ITGA11: variants seen among roughly 807,000 people sequenced by gnomAD.
ITGA11 encodes the protein integrin subunit alpha 11.
In ITGA11, 97 loss-of-function variants were observed where a neutral mutation model predicts 141.9. That is an observed-to-expected ratio of 0.68 (90% CI 0.58 to 0.81). ITGA11 has a LOEUF of 0.81. ITGA11 is among the 30% of genes least tolerant of loss of function. The probability of loss-of-function intolerance (pLI) is 0.00; values close to 1 mark genes in which losing one functional copy is unlikely to be tolerated. For synonymous variants in ITGA11, 658 were observed against 624.6 expected (o/e 1.05, Z -0.80); for missense variants, 1,387 against 1,559.2 (o/e 0.89, Z 1.86).
intron 1 of ITGA11, among the ~76,000 whole-genome samples, chr15:68,431,632 A>G (rs1897272717): frequency 6.6e-6 from 1 of 152,104 alleles, no homozygotes; most frequent in Non-Finnish European, 1.5e-5. Context: ...TCCCTTCCCC[A>G]GCCGGGGCCG....
At chr15:68,397,236 G>T (rs1595890421) in intron 2 of ITGA11, among the ~76,000 whole-genome samples, 2 of 28 alleles carry the variant, frequency 0.071, no homozygotes, top group Non-Finnish European at 0.12. Flanking sequence ...TATATATTAT[G>T]TATTATATTA....
In ITGA11 at chr15:68,432,144, C is replaced by T. The variant is rs1897285819; in HGVS notation, c.-78G>A. The T allele has an allele frequency of 1.8e-6, 2 of 1,139,034 alleles. No homozygotes were observed. Among genetic ancestry groups the T allele is most frequent in the Non-Finnish European group, 2.3e-6 (2 of 878,662 alleles). 70.6% of individuals were successfully genotyped at this position (1,139,034 alleles called of 1,614,324 possible). ...AGCCAGAGCGGCAGCCTCCTCGGCGCGGCGCCTGCAGCCTGCACTGCGCGG... is the reference window on the plus strand; with the variant it reads ...AGCCAGAGCGGCAGCCTCCTCGGCGTGGCGCCTGCAGCCTGCACTGCGCGG... On this transcript the variant is annotated 5_prime_UTR_variant, in exon 1 of 30. Transcript: ENST00000315757.
intron 4 of ITGA11, 142 bp from the exon 5 acceptor site, chr15:68,361,846 G>C: frequency 3.3e-6 from 2 of 612,480 alleles, no homozygotes; most frequent in South Asian, 2.0e-5. Context: ...ATCTTCTTTG[G>C]GTCTAACTGA....
intron 2 of ITGA11, among the ~76,000 whole-genome samples, chr15:68,401,747 A>C (rs1002526189): frequency 2.0e-4 from 31 of 152,160 alleles, no homozygotes; most frequent in Non-Finnish European, 7.4e-5. Flanking sequence ...GAAATGGTGG[A>C]TATATCTCTG....
chr15:68,423,722 G>C (rs1595901648), intron 1 of ITGA11, among the ~76,000 whole-genome samples: 3 of 152,166 alleles, frequency 2.0e-5, no homozygotes, highest in Non-Finnish European at 2.9e-5. Context: ...GGGGGCAAGA[G>C]GGACAATGAA....
intron 2 of ITGA11, among the ~76,000 whole-genome samples, chr15:68,379,291 T>G (rs1895802920): frequency 6.6e-6 from 1 of 152,244 alleles, no homozygotes; most frequent in South Asian, 2.1e-4. Context: ...ATCTCTTAGC[T>G]GAAAGCTCCT....
At chr15:68,354,086 T>C (rs4777043) in intron 7 of ITGA11, among the ~76,000 whole-genome samples, 152,115 of 152,250 alleles carry the variant, frequency 1, 75,990 homozygotes, top group Non-Finnish European at 1. Flanking sequence ...ATGCTGATTC[T>C]GTACCTGCCC....
chr15:68,396,413 ACTT>A (rs1402189251), intron 2 of ITGA11, among the ~76,000 whole-genome samples: 4 of 152,094 alleles, frequency 2.6e-5, no homozygotes, highest in African/African-American at 9.7e-5. Flanking sequence ...ATAGAAAAAA[ACTT>A]CTTTAATCTG....
intron 26 of ITGA11, 45 bp downstream of exon 26, chr15:68,310,949 C>A: frequency 6.8e-7 from 1 of 1,477,946 alleles, no homozygotes; most frequent in Non-Finnish European, 9.3e-7. Flanking sequence ...CGGCGGCACG[C>A]CTCTAACCCC....
At chr15:68,419,191 G>T (rs1896960359) in intron 1 of ITGA11, among the ~76,000 whole-genome samples, 1 of 152,146 alleles carries the variant, frequency 6.6e-6, no homozygotes, top group East Asian at 1.9e-4. Context: ...GGGAGTGGAA[G>T]TGTTTTTGTT....
chr15:68,330,376 G>A (rs1894114479), intron 15 of ITGA11, among the ~76,000 whole-genome samples: 1 of 151,650 alleles, frequency 6.6e-6, no homozygotes, highest in Admixed American at 6.5e-5. Context: ...CATTGTTAAG[G>A]TGATGGCAGG....
At chr15:68,364,647 A>ACCCCACCCCCCCCCCCCCCCCC in intron 4 of ITGA11, 60 bp downstream of exon 4, 2 of 904,830 alleles carry the variant, frequency 2.2e-6, no homozygotes, top group Non-Finnish European at 3.6e-6. Flanking sequence ...GAGACGCTCC[A>ACCCCACCCCCCCCCCCCCCCCC]CCCCTCCCCA....
In ITGA11 at chr15:68,389,952, A is replaced by G. The variant is rs151075376; in HGVS notation, c.164+12966T>C. On this transcript the variant is annotated intron_variant, in intron 2 of 29. Coordinates refer to ENST00000315757, the MANE Select transcript of ITGA11 (RefSeq NM_001004439.2). The stretch of plus-strand genomic sequence containing the variant: ...CTGCATTGGAGCTGCTGGGACATCA[A>G]ATGGTCTTAAAACCCACGGAATTAA... 3.0e-3 allele frequency among the ~76,000 whole-genome samples: 452 copies of G among 152,346 alleles called. 1 individual carries two copies. Among genetic ancestry groups the G allele is most frequent in the African/African-American group, 9.5e-3 (395 of 41,588 alleles).
chr15:68,406,442 C>A (rs1896653049), intron 1 of ITGA11, among the ~76,000 whole-genome samples: 1 of 152,164 alleles, frequency 6.6e-6, no homozygotes, highest in African/African-American at 2.4e-5. Context: ...CGTGGCTGTT[C>A]CCTCTTCCTG....
intron 1 of ITGA11, among the ~76,000 whole-genome samples, chr15:68,404,470 C>T (rs77262481): frequency 0.026 from 3,913 of 152,220 alleles, 154 homozygotes; most frequent in African/African-American, 0.086. Flanking sequence ...CCCCTTTGGG[C>T]AAATCACAAG....
intron 3 of ITGA11, among the ~76,000 whole-genome samples, chr15:68,368,254 G>T (rs978638676): frequency 6.6e-6 from 1 of 152,190 alleles, no homozygotes; most frequent in Non-Finnish European, 1.5e-5. Context: ...GAAGGAGGGA[G>T]GCCCAGGGTC....
At chr15:68,412,760 C>T (rs998900666) in intron 1 of ITGA11, among the ~76,000 whole-genome samples, 2 of 150,010 alleles carry the variant, frequency 1.3e-5, no homozygotes, top group Non-Finnish European at 3.0e-5. Context: ...ACTGCAACCT[C>T]CGCCTCCCAG....
Position 68,310,940 on chromosome 15 carries a change from G to A in ITGA11, c.3174+54C>T, listed in dbSNP as rs752681119. 1.4e-4 allele frequency: 196 copies of A among 1,383,354 alleles called. 1 individual carries two copies. The East Asian group carries it at 2.8e-3, about 19-fold the overall frequency. The allele number at this position is 1,383,354 out of a possible 1,614,324, so 85.7% of individuals were successfully genotyped here. A position where few individuals can be genotyped will look rare whatever the true frequency, so the allele number is the denominator to read the frequency against. On this transcript the variant is annotated intron_variant, in intron 26 of 29. Coordinates refer to ENST00000315757, the MANE Select transcript of ITGA11 (RefSeq NM_001004439.2). ...GGAGGGAAATGGCCCGCAGAGCACC[G>A]GCGGCACGCCTCTAACCCCAACCAC... is the stretch of plus-strand genomic sequence containing the variant.
In ITGA11 at chr15:68,365,547, G is replaced by GGTGTGTGTGT. The variant is rs58398705; in HGVS notation, c.266-759_266-750dup. The stretch of plus-strand genomic sequence containing the variant: ...TCTGAATTCCCCAGAAGTGTGTTGG[G>GGTGTGTGTGT]GTGTGTGTGTGTGTGTGTGTGTGTG... On this transcript the variant is annotated intron_variant, in intron 3 of 29. Transcript: ENST00000315757. 1.9e-3 allele frequency: 279 copies of GGTGTGTGTGT among 149,542 alleles called. 1 individual carries two copies. The highest frequency in any genetic ancestry group is 6.4e-3 in the African/African-American group (257 of 40,442). The allele number at this position is 149,542 out of a possible 1,614,324, so 9.3% of individuals were successfully genotyped here.
Sources: gnomAD v4.1 joint callset for allele counts (sites outside exome capture counted in the v4.1 genomes callset) on GRCh38, gnomAD v4.1.1 for gene constraint, MANE v1.5 for transcripts, NCBI Gene and HGNC (gene_info 2026-07-23, HGNC 2026-07-21) for gene names.